The following ZNF468 variants were observed in gnomAD, a reference collection of about 807,000 sequenced individuals.
ZNF468 encodes zinc finger protein ZNF468.
ZNF468 carries 8 observed loss-of-function variants against 7.2 expected under a neutral mutation model. That is an observed-to-expected ratio of 1.11 (90% confidence interval 0.65 to 2.01). The LOEUF is 2.01. ZNF468 is among the 30% of genes most tolerant of loss of function. ZNF468 has a pLI of 0.00. For missense variants in ZNF468, 608 were observed against 626.5 expected (o/e 0.97, Z 0.31); for synonymous variants, 218 against 214.4 (o/e 1.02, Z -0.15).
At chr19:52,851,701 A>G (rs1241753512) in intron 2 of ZNF468, among the ~76,000 whole-genome samples, 1 of 152,174 alleles carries the variant, frequency 6.6e-6, no homozygotes, top group Non-Finnish European at 1.5e-5. Context: ...AGATCACGCC[A>G]CTGCACTCCA....
rs1394866278 is a variant in ZNF468, at chr19:52,841,451, A to AC, written c.842dup (p.His282SerfsTer2). ...TGTGAATGAAGAGGGATGAATTATG[A>AC]CCAAAGGTCTTGCCACACTCATTAC... On this transcript the variant is annotated frameshift_variant, in exon 4 of 4. Coordinates refer to ENST00000595646, the MANE Select transcript of ZNF468 (RefSeq NM_001008801.2). LOFTEE classifies it low-confidence loss of function (END_TRUNC). 4 of 1,614,030 alleles carry AC rather than the reference A, an allele frequency of 2.5e-6. No homozygotes were observed. Among genetic ancestry groups the AC allele is most frequent in the Non-Finnish European group, 2.5e-6 (3 of 1,179,964 alleles).
In ZNF468 at chr19:52,841,961, T is replaced by A; in HGVS notation, c.333A>T (p.Ala111=). ...CCAACTCTTTGATTTCTGTCATGGG[T>A]GCTGCATGGCCATTTGTTTCATCTT... ...WKEDETNGHA[A]PMTEIKELAG... Residue 111 remains alanine, a synonymous_variant, in exon 4 of 4, where the codon GCA becomes GCT. Coordinates refer to ENST00000595646, the MANE Select transcript of ZNF468 (RefSeq NM_001008801.2). 1 of 1,613,938 alleles carries A rather than the reference T, an allele frequency of 6.2e-7. No individual in the cohort carries two copies. Among genetic ancestry groups the A allele is most frequent in the Non-Finnish European group, 8.5e-7 (1 of 1,179,912 alleles).
In ZNF468 at chr19:52,841,380, T is replaced by C; in HGVS notation, c.914A>G (p.Asp305Gly). 1 of 1,614,000 alleles carries C rather than the reference T, an allele frequency of 6.2e-7. No homozygotes were observed. Among genetic ancestry groups the C allele is most frequent in the South Asian group, 1.1e-5 (1 of 91,066 alleles). ...GEKPYECEECDKVFSRKSHLE... is the reference protein window; with the variant it reads ...GEKPYECEECGKVFSRKSHLE... The stretch of plus-strand genomic sequence containing the variant: ...GTGTGATTTGCGACTGAAAACTTTG[T>C]CACATTCTTCACATTCATAAGGTTT... The change falls in exon 4 of 4, where the codon GAC becomes GGC. Residue 305 changes from aspartate (D) to glycine (G), a missense_variant. Coordinates refer to ENST00000595646, the MANE Select transcript of ZNF468 (RefSeq NM_001008801.2).
intron 2 of ZNF468, among the ~76,000 whole-genome samples, chr19:52,850,040 CAGATTTTCAAAATACAAA>C (rs1390994962): frequency 6.6e-6 from 1 of 151,942 alleles, no homozygotes; most frequent in Non-Finnish European, 1.5e-5. Flanking sequence ...TCATTTGTCC[CAGATTTTCAAAATACAAA>C]AGATTTTCAA....
In ZNF468 at chr19:52,854,269, C is replaced by A; in HGVS notation, c.4G>T (p.Ala2Ser). Residue 2 changes from alanine (A) to serine (S), a missense_variant, in exon 2 of 4, where the codon GCT becomes TCT. Ala to Ser is a moderately conservative substitution (Grantham distance 99). Coordinates refer to ENST00000595646, the MANE Select transcript of ZNF468 (RefSeq NM_001008801.2). M[A>S]LPQGLLTFRD... is the part of the protein sequence containing the mutation. Reference sequence around the variant, plus strand: ...GGATATCATCTCACCTGAGGAAGAGCCATCCCTGACTCCTTTGCTTTCCTC... The same window carrying A: ...GGATATCATCTCACCTGAGGAAGAGACATCCCTGACTCCTTTGCTTTCCTC... The A allele has an allele frequency of 1.2e-6, 2 of 1,613,772 alleles. No homozygotes were observed. The highest frequency in any genetic ancestry group is 1.7e-6 in the Non-Finnish European group (2 of 1,179,818).
intron 3 of ZNF468, among the ~76,000 whole-genome samples, chr19:52,846,859 T>G (rs961283371): frequency 1.6e-4 from 25 of 151,904 alleles, no homozygotes; most frequent in Non-Finnish European, 3.1e-4. Flanking sequence ...AAATTAGCTG[T>G]GCATGGTGGT....
rs370368398 is a variant in ZNF468, at chr19:52,850,792, G to A, written c.16-1579C>T. Among the ~76,000 whole-genome samples the A allele has an allele frequency of 8.9e-3, 1,351 of 151,628 alleles. 23 individuals carry two copies. Among genetic ancestry groups the A allele is most frequent in the East Asian group, 0.052 (267 of 5,132 alleles). ...CGGGCGCCTGTAGTCCCAGCTACTC[G>A]GGAGGCTGAGGCAGGAGAATGGCGT... On this transcript the variant is annotated intron_variant, in intron 2 of 3. Transcript: ENST00000595646.
chr19:52,842,890 G>A (rs188208380), intron 3 of ZNF468, among the ~76,000 whole-genome samples: 20 of 146,776 alleles, frequency 1.4e-4, no homozygotes, highest in Admixed American at 4.1e-4. Flanking sequence ...TCCGGAGGCC[G>A]AGGAAGGTGG....
At chr19:52,856,553 T>C (rs970976836) in intron 1 of ZNF468, among the ~76,000 whole-genome samples, 28 of 141,476 alleles carry the variant, frequency 2.0e-4, no homozygotes, top group African/African-American at 7.1e-4. Context: ...GCACCCCAGA[T>C]CCCCAGGTGT....
chr19:52,856,043 G>T (rs1194994643), intron 1 of ZNF468, among the ~76,000 whole-genome samples: 2 of 152,126 alleles, frequency 1.3e-5, no homozygotes, highest in Non-Finnish European at 2.9e-5. Flanking sequence ...CACATGCCTG[G>T]GTTAAAGAAA....
chr19:52,839,616 T>C lies in ZNF468; in HGVS notation c.*1109A>G, dbSNP rs779007649. 39 of 549,420 alleles carry C rather than the reference T, an allele frequency of 7.1e-5. No individual in the cohort carries two copies. The highest frequency in any genetic ancestry group is 1.3e-4 in the Non-Finnish European group (34 of 270,566). The allele number at this position is 549,420 out of a possible 1,614,324, so 34.0% of individuals were successfully genotyped here. A position where few individuals can be genotyped will look rare whatever the true frequency, so the allele number is the denominator to read the frequency against. ...GAAGACCCTTCCACACTGATGACAT[T>C]TGTAAGATTTCTGTCCAGCATGGAT... On this transcript the variant is annotated 3_prime_UTR_variant, in exon 4 of 4. Transcript: ENST00000595646.
chr19:52,841,274 T>A lies in ZNF468; in HGVS notation c.1020A>T (p.Ser340=). ...GAAGTATAGTATGTTTTGCCAGATA[T>A]GAATTATATGCGAAAGCCTCATCAC... The part of the protein sequence containing the change: ...KVCDEAFAYN[S]YLAKHTILHT... Residue 340 remains serine (S), a synonymous_variant, in exon 4 of 4, where the codon TCA becomes TCT. Coordinates refer to ENST00000595646, the MANE Select transcript of ZNF468 (RefSeq NM_001008801.2). The A allele has an allele frequency of 1.1e-5, 17 of 1,613,890 alleles. 1 individual carries two copies. The highest frequency in any genetic ancestry group is 1.4e-5 in the Non-Finnish European group (17 of 1,179,936).
intron 1 of ZNF468, among the ~76,000 whole-genome samples, chr19:52,857,231 G>A (rs766078772): frequency 0.013 from 1,959 of 150,228 alleles, 27 homozygotes; most frequent in South Asian, 0.026. Flanking sequence ...ACCCAGGAGA[G>A]TAAGGCTGGG....
At chr19:52,853,804 C>A in intron 2 of ZNF468, 4 of 1,146,102 alleles carry the variant, frequency 3.5e-6, no homozygotes, top group Non-Finnish European at 4.3e-6. Context: ...CACTCCATTA[C>A]CTAAAAATGT....
At chr19:52,848,806 C>T (rs1169372888) in intron 3 of ZNF468, among the ~76,000 whole-genome samples, 1 of 152,146 alleles carries the variant, frequency 6.6e-6, no homozygotes, top group Admixed American at 6.5e-5. Flanking sequence ...ATGCCTTGGC[C>T]TCCCAAGGTA....
At chr19:52,848,698 G>A (rs4803008) in intron 3 of ZNF468, among the ~76,000 whole-genome samples, 79,324 of 151,416 alleles carry the variant, frequency 0.52, 22,443 homozygotes, top group African/African-American at 0.74. Context: ...TTACACGTAC[G>A]TGCCACCACA....
At chr19:52,855,958 T>C (rs1167322843) in intron 1 of ZNF468, among the ~76,000 whole-genome samples, 3 of 152,234 alleles carry the variant, frequency 2.0e-5, no homozygotes, top group Non-Finnish European at 4.4e-5. Flanking sequence ...CCTGAATTCT[T>C]ACATGGGGGC....
At chr19:52,844,233 T>C (rs1298895843) in intron 3 of ZNF468, among the ~76,000 whole-genome samples, 1 of 152,154 alleles carries the variant, frequency 6.6e-6, no homozygotes, top group Non-Finnish European at 1.5e-5. Flanking sequence ...GTCATGGGTG[T>C]TGACTACTCG....
chr19:52,847,571 C>T (rs534664381), intron 3 of ZNF468, among the ~76,000 whole-genome samples: 54 of 152,168 alleles, frequency 3.5e-4, no homozygotes, highest in African/African-American at 1.2e-3. Flanking sequence ...AATGGAATGT[C>T]TCGGTGTAAA....
Sources: allele counts gnomAD v4.1 joint callset (sites outside exome capture counted in the v4.1 genomes callset), GRCh38; gene constraint gnomAD v4.1.1; transcripts MANE v1.5; gene names NCBI Gene and HGNC (gene_info 2026-07-23, HGNC 2026-07-21).